The following SYNC variants were observed in gnomAD, a reference collection of about 807,000 sequenced individuals.
The protein encoded by SYNC is syncoilin.
SYNC carries 38 observed loss-of-function variants against 49.5 expected under a neutral mutation model. That is an observed-to-expected ratio of 0.77 (90% CI 0.59 to 1.01). The LOEUF is 1.01. Ranked by LOEUF, SYNC falls within the 50% of genes least tolerant of loss-of-function variation. The pLI is 0.00. For missense variants in SYNC, 579 were observed against 580.6 expected (o/e 1.00, Z 0.03); for synonymous variants, 201 against 230.8 (o/e 0.87, Z 1.17).
chr1:32,684,295 G>C lies in SYNC; in HGVS notation c.1321C>G (p.Leu441Val). 6.2e-7 allele frequency: 1 copy of C among 1,614,186 alleles called. No homozygotes were observed. Among genetic ancestry groups the C allele is most frequent in the Non-Finnish European group, 8.5e-7 (1 of 1,180,040 alleles). ...QQQKNKEMEQ[L>V]RLSLAEELST... The stretch of plus-strand genomic sequence containing the variant: ...AGCTCTTCAGCAAGACTGAGCCTTA[G>C]CTGTTCCATCTCTTTGTTCTTCTGT... Residue 441 changes from leucine to valine, a missense_variant, in exon 3 of 5, where the codon CTA (leucine) becomes GTA (valine). Leu to Val is a conservative substitution (Grantham distance 32). Coordinates refer to ENST00000409190, the MANE Select transcript of SYNC (RefSeq NM_030786.3).
At position 32,694,874 on chromosome 1, in the gene SYNC, C is replaced by G. The variant is rs1045073847; in HGVS notation, c.1224G>C (p.Gln408His). 1 of 1,605,146 alleles carries G rather than the reference C, an allele frequency of 6.2e-7. No homozygotes were observed. The highest frequency in any genetic ancestry group is 1.3e-5 in the African/African-American group (1 of 74,410). Residue 408 changes from glutamine to histidine, a missense_variant, in exon 2 of 5, where the codon CAG becomes CAC. Coordinates refer to ENST00000409190, the MANE Select transcript of SYNC (RefSeq NM_030786.3). ...LVRQKRDEEV[Q>H]QYREQLEEME... ...TGCCCAATGGGCCTACCCTGTACTG[C>G]TGCACCTCTTCATCTCGTTTTTGCC...
At chr1:32,688,652 A>G (rs1650007916) in intron 2 of SYNC, among the ~76,000 whole-genome samples, 1 of 152,204 alleles carries the variant, frequency 6.6e-6, no homozygotes, top group East Asian at 1.9e-4. Context: ...GCTGGAGTGC[A>G]GTGGCGCGAT....
At chr1:32,690,998 C>T (rs1386246530) in intron 2 of SYNC, among the ~76,000 whole-genome samples, 2 of 152,124 alleles carry the variant, frequency 1.3e-5, no homozygotes, top group Admixed American at 1.3e-4. Context: ...GCAGGTGGAT[C>T]ATGAGGTCAG....
At position 32,702,289 on chromosome 1, in the gene SYNC, G is replaced by A. The variant is rs1351790287; in HGVS notation, c.53+319C>T. Among the ~76,000 whole-genome samples the A allele has an allele frequency of 6.6e-6, 1 of 152,250 alleles. No homozygotes were observed. Among genetic ancestry groups the A allele is most frequent in the Non-Finnish European group, 1.5e-5 (1 of 68,048 alleles). Reference sequence around the variant, plus strand: ...CTGACATTTGCAGGGAGGAATGAAGGCTAGCGAGAAGTGTCTTTGGCTGCT... The same window carrying A: ...CTGACATTTGCAGGGAGGAATGAAGACTAGCGAGAAGTGTCTTTGGCTGCT... On this transcript the variant is annotated intron_variant, in intron 1 of 4. Coordinates refer to ENST00000409190, the MANE Select transcript of SYNC (RefSeq NM_030786.3). The surrounding 1 kb of genome is among the most constrained non-coding windows in gnomAD (Gnocchi z 6.2).
chr1:32,682,053 TTTCTC>T (rs1649475364), intron 4 of SYNC, 193 bp from the exon 5 acceptor site: 2 of 574,816 alleles, frequency 3.5e-6, no homozygotes, highest in Non-Finnish European at 6.2e-6. Context: ...AGTTAAACGT[TTTCTC>T]TGCTAGGTTA....
chr1:32,687,130 C>T (rs1164046028), intron 2 of SYNC, among the ~76,000 whole-genome samples: 1 of 151,932 alleles, frequency 6.6e-6, no homozygotes, highest in Non-Finnish European at 1.5e-5. Flanking sequence ...GAGGTTGAGG[C>T]GGGTGGATCA....
chr1:32,697,895 C>T (rs891784706), intron 1 of SYNC, among the ~76,000 whole-genome samples: 1 of 151,802 alleles, frequency 6.6e-6, no homozygotes, highest in African/African-American at 2.4e-5. Context: ...TTCTTAAGTT[C>T]CCCAAGAGCT....
chr1:32,683,479 T>C (rs1649588573), intron 4 of SYNC: 1 of 152,464 alleles, frequency 6.6e-6, no homozygotes, highest in Non-Finnish European at 1.5e-5. Context: ...AAAGCCTAGA[T>C]GCCACAGAAT....
chr1:32,682,055 T>C (rs941383645), intron 4 of SYNC, 195 bp from the exon 5 acceptor site: 13 of 569,444 alleles, frequency 2.3e-5, no homozygotes, highest in African/African-American at 1.7e-4. Flanking sequence ...TTAAACGTTT[T>C]CTCTGCTAGG....
chr1:32,680,485 A>G lies in SYNC; in HGVS notation c.*1365T>C. The G allele has an allele frequency of 6.5e-7, 1 of 1,540,058 alleles. No individual in the cohort carries two copies. Among genetic ancestry groups the G allele is most frequent in the Non-Finnish European group, 8.8e-7 (1 of 1,142,690 alleles). On this transcript the variant is annotated 3_prime_UTR_variant, in exon 5 of 5. Transcript: ENST00000409190. ...ATCAATAACTTGTATTTGTTTTAAA[A>G]ATTAAATTAATCCTTGATAAGAGTT...
In SYNC at chr1:32,695,429, C is replaced by CT; in HGVS notation, c.668dup (p.Leu224AlafsTer106). ...TCTCCAGCTCTGCTTGGGCATGGAG[C>CT]TTGTAGGCAGCCAGGATGTCTTGAT... is the stretch of plus-strand genomic sequence containing the variant. On this transcript the variant is annotated frameshift_variant, in exon 2 of 5. Transcript: ENST00000409190. LOFTEE classifies it high-confidence loss of function. 6.4e-7 allele frequency: 1 copy of CT among 1,551,740 alleles called. No individual in the cohort carries two copies. The highest frequency in any genetic ancestry group is 8.7e-7 in the Non-Finnish European group (1 of 1,147,036).
intron 4 of SYNC, chr1:32,682,223 A>G (rs1649487314): frequency 4.4e-6 from 1 of 228,200 alleles, no homozygotes; most frequent in Non-Finnish European, 8.6e-6. Context: ...CTCAAACATT[A>G]AGCATATTAT....
At position 32,702,636 on chromosome 1, in the gene SYNC, C is replaced by T; in HGVS notation, c.25G>A (p.Gly9Ser). The T allele has an allele frequency of 8.2e-7, 1 of 1,213,974 alleles. No homozygotes were observed. 75.2% of individuals were successfully genotyped at this position (1,213,974 alleles called of 1,614,324 possible). A position where few individuals can be genotyped will look rare whatever the true frequency, so the allele number is the denominator to read the frequency against. Residue 9 changes from glycine (G) to serine (S), a missense_variant, in exon 1 of 5, where the codon GGC becomes AGC. Physicochemically the swap from Gly to Ser is moderately conservative, Grantham distance 56. Transcript: ENST00000409190. This position sits in a 1 kb window ranked among gnomAD's most constrained non-coding sequence, Gnocchi z 6.2. The stretch of plus-strand genomic sequence containing the variant: ...GCGGCCTGGGCGGCGCCGTCCCCGC[C>T]GCGCCGGGGCTCCGGGCTGGCCATG... MASPEPRR[G>S]GDGAAQAARK...
At chr1:32,683,984 A>G (rs985671356) in intron 4 of SYNC, 26 bp downstream of exon 4, 3 of 1,606,866 alleles carry the variant, frequency 1.9e-6, no homozygotes, top group Non-Finnish European at 2.6e-6. Context: ...CAATGCAAAC[A>G]CCACTCTTCT....
intron 1 of SYNC, among the ~76,000 whole-genome samples, chr1:32,699,387 C>T (rs1333876148): frequency 1.3e-5 from 2 of 150,584 alleles, no homozygotes; most frequent in Non-Finnish European, 3.0e-5. Context: ...CTCCTGACCT[C>T]GTGATCCACC....
At chr1:32,685,436 T>C (rs1649756346) in intron 2 of SYNC, 1 of 152,194 alleles carries the variant, frequency 6.6e-6, no homozygotes, top group Admixed American at 6.6e-5. Flanking sequence ...TGGTATCTTT[T>C]AAAGCGAGAG....
rs1239670122 is a variant in SYNC, at chr1:32,684,601, CTG to C, written c.1234-221_1234-220del. 8.7e-6 allele frequency: 5 copies of C among 575,548 alleles called. No homozygotes were observed. The East Asian group carries it at 1.7e-4, about 20-fold the overall frequency. The allele number at this position is 575,548 out of a possible 1,614,324, so 35.7% of individuals were successfully genotyped here. ...AATGATGACGAAAAAGGCATCTTGTCTGTTAACCACAGCTTGCTTTAATAGAA... is the reference window on the plus strand; with the variant it reads ...AATGATGACGAAAAAGGCATCTTGTCTTAACCACAGCTTGCTTTAATAGAA... On this transcript the variant is annotated intron_variant, in intron 2 of 4. Transcript: ENST00000409190.
chr1:32,698,285 G>A (rs1269707363), intron 1 of SYNC, among the ~76,000 whole-genome samples: 1 of 151,088 alleles, frequency 6.6e-6, no homozygotes, highest in Admixed American at 6.6e-5. Flanking sequence ...TTGGGAGGCT[G>A]AGGCAGGCGG....
chr1:32,696,375 C>T (rs992900988), intron 1 of SYNC, among the ~76,000 whole-genome samples: 10 of 151,754 alleles, frequency 6.6e-5, no homozygotes, highest in Non-Finnish European at 1.2e-4. Context: ...AGTGCAATAG[C>T]GTGATGTCGG....
Sources: allele counts gnomAD v4.1 joint callset (sites outside exome capture counted in the v4.1 genomes callset), GRCh38; gene constraint gnomAD v4.1.1; non-coding constraint Gnocchi (gnomAD v3.1); transcripts MANE v1.5; gene names NCBI Gene and HGNC (gene_info 2026-07-23, HGNC 2026-07-21).